Variants in TRAPPC3 observed in about 807,000 individuals in gnomAD.
TRAPPC3 encodes the protein trafficking protein particle complex subunit 3.
In TRAPPC3, 5 loss-of-function variants were observed where a neutral mutation model predicts 18.2. The ratio of observed to expected loss-of-function variants is 0.28; its 90% CI spans 0.14 to 0.58. TRAPPC3 has a LOEUF of 0.58. Among genes scored for constraint, TRAPPC3 ranks in the 20% least tolerant of loss-of-function variants. The pLI is 0.91. For missense variants in TRAPPC3, 176 were observed against 225.9 expected, an observed-to-expected ratio of 0.78 and a Z score of 1.41; for synonymous variants, 65 against 84.2, an observed-to-expected ratio of 0.77 and a Z score of 1.25.
intron 1 of TRAPPC3, among the ~76,000 whole-genome samples, chr1:36,146,884 G>A: frequency 6.6e-6 from 1 of 152,210 alleles, no homozygotes; most frequent in East Asian, 1.9e-4. Flanking sequence ...TATAGTTGGG[G>A]CTAAAGAAAA....
upstream of TRAPPC3, among the ~76,000 whole-genome samples, chr1:36,150,797 T>C (rs1414394417): frequency 1.3e-5 from 2 of 152,114 alleles, no homozygotes; most frequent in Non-Finnish European, 2.9e-5. Flanking sequence ...TGAGGGTTGG[T>C]TGGGGTTGGG....
chr1:36,138,157 C>G, intron 3 of TRAPPC3, 179 bp from the exon 4 acceptor site: 1 of 1,551,714 alleles, frequency 6.4e-7, no homozygotes, highest in Non-Finnish European at 8.7e-7. Context: ...GATGCTGCAC[C>G]CCTCTCCTTC....
At chr1:36,147,913 T>C (rs559403819) in intron 1 of TRAPPC3, among the ~76,000 whole-genome samples, 1 of 152,132 alleles carries the variant, frequency 6.6e-6, no homozygotes, top group African/African-American at 2.4e-5. Context: ...TCAATATTGA[T>C]TTCAGGCTTA....
chr1:36,137,415 T>C (rs56232660), intron 4 of TRAPPC3, 93 bp from the exon 5 acceptor site: 1 of 1,345,882 alleles, frequency 7.4e-7, no homozygotes, highest in African/African-American at 1.5e-5. Context: ...ATCCACAGCA[T>C]CCAAAAAAGG....
intron 1 of TRAPPC3, among the ~76,000 whole-genome samples, chr1:36,146,152 C>T (rs1644195311): frequency 6.6e-6 from 1 of 152,042 alleles, no homozygotes; most frequent in African/African-American, 2.4e-5. Context: ...CATTTCAGCT[C>T]ACTGCAACCT....
upstream of TRAPPC3, among the ~76,000 whole-genome samples, chr1:36,153,827 T>C (rs958947948): frequency 6.6e-6 from 1 of 152,132 alleles, no homozygotes; most frequent in African/African-American, 2.4e-5. Context: ...AGACAATAGA[T>C]TTCCAGTTCT....
chr1:36,152,598 C>T (rs1233451325), upstream of TRAPPC3, among the ~76,000 whole-genome samples: 1 of 151,898 alleles, frequency 6.6e-6, no homozygotes, highest in Admixed American at 6.5e-5. Flanking sequence ...GTGTGAGCCA[C>T]CCCCGCCTGG....
At chr1:36,153,458 G>A (rs1644286119), upstream of TRAPPC3, among the ~76,000 whole-genome samples, 3 of 152,196 alleles carry the variant, frequency 2.0e-5, no homozygotes, top group South Asian at 4.1e-4. Context: ...GTCTGGCCAG[G>A]AGAACTGTCG....
intron 3 of TRAPPC3, chr1:36,138,304 T>C: frequency 6.6e-7 from 1 of 1,519,940 alleles, no homozygotes; most frequent in East Asian, 2.4e-5. Context: ...GGAGCACTAG[T>C]CTTTCGACAC....
upstream of TRAPPC3, chr1:36,149,572 C>T (rs1644252520): frequency 3.1e-6 from 2 of 653,318 alleles, no homozygotes; most frequent in Admixed American, 2.5e-5. Flanking sequence ...CAACAAACGT[C>T]AGACTACAAC....
At chr1:36,149,670 C>T (rs1644253646), upstream of TRAPPC3, among the ~76,000 whole-genome samples, 1 of 152,246 alleles carries the variant, frequency 6.6e-6, no homozygotes, top group African/African-American at 2.4e-5. Flanking sequence ...TGGTAGAGCC[C>T]AGCTTGCGCT....
upstream of TRAPPC3, among the ~76,000 whole-genome samples, chr1:36,150,732 C>G (rs1327997382): frequency 6.6e-6 from 1 of 152,228 alleles, no homozygotes; most frequent in Non-Finnish European, 1.5e-5. Context: ...CACTCTCCAT[C>G]CTGTGTAATG....
chr1:36,154,107 C>T (rs144395785), upstream of TRAPPC3, among the ~76,000 whole-genome samples: 3,801 of 152,196 alleles, frequency 0.025, 181 homozygotes, highest in African/African-American at 0.086. Context: ...GGGGTTCAAA[C>T]GATTCTCCTG....
At chr1:36,139,606 G>GC in intron 3 of TRAPPC3, 114 bp downstream of exon 3, 1 of 1,424,018 alleles carries the variant, frequency 7.0e-7, no homozygotes, top group South Asian at 1.3e-5. Context: ...CCAAAGAGCT[G>GC]CCTAGCCAGT....
rs561889041 is a variant in TRAPPC3, at chr1:36,149,400, C to T, written c.-22G>A. On this transcript the variant is annotated 5_prime_UTR_variant, in exon 1 of 5. The change creates a new upstream start codon in the 5' untranslated region. Transcript: ENST00000373166. ...ACATGGTGCCGGCCGCCCCGCCCCA[C>T]TCGCCTAGCCACGGGTTAGCTCGGC... 6.2e-7 allele frequency: 1 copy of T among 1,612,232 alleles called. No individual in the cohort carries two copies. Among genetic ancestry groups the T allele is most frequent in the Admixed American group, 1.7e-5 (1 of 59,970 alleles).
chr1:36,140,685 A>T (rs1020370638), intron 1 of TRAPPC3: 9 of 152,530 alleles, frequency 5.9e-5, no homozygotes, highest in African/African-American at 2.2e-4. Flanking sequence ...GAAGGAAGGA[A>T]GTCCCAGACC....
At chr1:36,153,804 C>T (rs532149942), upstream of TRAPPC3, among the ~76,000 whole-genome samples, 1 of 152,200 alleles carries the variant, frequency 6.6e-6, no homozygotes, top group Non-Finnish European at 1.5e-5. Flanking sequence ...GAGCTCCCCA[C>T]AGTCAATCCC....
chr1:36,149,237 G>GGAA, intron 1 of TRAPPC3, 100 bp downstream of exon 1: 1 of 1,567,266 alleles, frequency 6.4e-7, no homozygotes, highest in Non-Finnish European at 8.6e-7. Context: ...AGAGCTCACA[G>GGAA]GAAGGCCCTT....
Position 36,146,776 on chromosome 1 carries a change from A to G in TRAPPC3, c.42+2561T>C, listed in dbSNP as rs112721441. ...CTAGAAGATACACAGTATATATGGT[A>G]TACATTTCTGTCTCCCTCACAGAGT... is the stretch of plus-strand genomic sequence containing the variant. On this transcript the variant is annotated intron_variant, in intron 1 of 4. Coordinates refer to ENST00000373166, the MANE Select transcript of TRAPPC3 (RefSeq NM_014408.5). Among the ~76,000 whole-genome samples, 80 of 150,442 alleles carry G rather than the reference A, an allele frequency of 5.3e-4. 1 individual carries two copies. In the Middle Eastern group the frequency reaches 0.01, roughly 19 times the overall value.
Sources: allele counts gnomAD v4.1 joint callset (sites outside exome capture counted in the v4.1 genomes callset), GRCh38; gene constraint gnomAD v4.1.1; transcripts MANE v1.5; gene names NCBI Gene and HGNC (gene_info 2026-07-23, HGNC 2026-07-21).